MRTFB: variants seen among roughly 807,000 people sequenced by gnomAD.
The protein encoded by MRTFB is myocardin related transcription factor B.
MRTFB carries 29 observed loss-of-function variants against 104.2 expected under a neutral mutation model. That is an observed-to-expected ratio of 0.28 (90% CI 0.21 to 0.38). MRTFB has a LOEUF of 0.38. Among genes scored for constraint, MRTFB ranks in the 10% least tolerant of loss-of-function variants. MRTFB has a pLI of 1.00. For synonymous variants in MRTFB, 535 were observed against 519.5 expected, an observed-to-expected ratio of 1.03 and a Z score of -0.41; for missense variants, 1,270 against 1,341.6, an observed-to-expected ratio of 0.95 and a Z score of 0.83.
At chr16:14,248,724 G>A in intron 12 of MRTFB, 1 of 517,532 alleles carries the variant, frequency 1.9e-6, no homozygotes. Context: ...ATAAGAGCAT[G>A]CAGTGACTGG....
the MRTFB span, among the ~76,000 whole-genome samples, chr16:14,008,712 A>G: frequency 6.6e-6 from 1 of 152,202 alleles, no homozygotes; most frequent in Admixed American, 6.5e-5. Context: ...TAACTTCTGC[A>G]AAAAAGTTAG....
chr16:14,075,708 G>C (rs1385536832), intron 1 of MRTFB, among the ~76,000 whole-genome samples: 2 of 151,990 alleles, frequency 1.3e-5, no homozygotes, highest in Non-Finnish European at 2.9e-5. Flanking sequence ...TCCTCACCCC[G>C]GCTTTTTAAA....
At chr16:14,034,970 C>A in the MRTFB span, among the ~76,000 whole-genome samples, 1 of 152,164 alleles carries the variant, frequency 6.6e-6, no homozygotes, top group Non-Finnish European at 1.5e-5. Context: ...CTGAGCCAAC[C>A]CTGCCTTTGG....
the MRTFB span, among the ~76,000 whole-genome samples, chr16:14,063,586 A>G: frequency 1.8e-4 from 27 of 152,230 alleles, no homozygotes; most frequent in African/African-American, 6.0e-4. Context: ...GCTCCCACTT[A>G]TAAGTTAGAA....
rs578132856 is a variant in MRTFB, at chr16:14,124,239, A to T, written c.-63-16305A>T. Reference sequence around the variant, plus strand: ...AGACAATTTGACTTCCTCTTTTCCTATTCGAATACCCTTTATTTCTTTCTC... The same window carrying T: ...AGACAATTTGACTTCCTCTTTTCCTTTTCGAATACCCTTTATTTCTTTCTC... On this transcript the variant is annotated intron_variant, in intron 2 of 16. Coordinates refer to ENST00000571589, the MANE Select transcript of MRTFB (RefSeq NM_001308142.2). 4.5e-4 allele frequency among the ~76,000 whole-genome samples: 68 copies of T among 152,272 alleles called. No individual in the cohort carries two copies. In the South Asian group the frequency reaches 0.014, roughly 31 times the overall value.
the MRTFB span, among the ~76,000 whole-genome samples, chr16:14,046,395 C>T: frequency 6.6e-6 from 1 of 152,202 alleles, no homozygotes; most frequent in African/African-American, 2.4e-5. Flanking sequence ...TGTAGCCCAT[C>T]CCCCTACAAC....
the MRTFB span, among the ~76,000 whole-genome samples, chr16:14,039,270 C>G: frequency 6.6e-6 from 1 of 152,220 alleles, no homozygotes; most frequent in African/African-American, 2.4e-5. Flanking sequence ...AGTATCCTCA[C>G]AACATGGCTG....
chr16:14,110,180 TC>T (rs1022190861), intron 2 of MRTFB, among the ~76,000 whole-genome samples: 2 of 152,216 alleles, frequency 1.3e-5, no homozygotes, highest in Non-Finnish European at 2.9e-5. Context: ...AAGCTTATCT[TC>T]AGGAAAGTCC....
intron 3 of MRTFB, among the ~76,000 whole-genome samples, chr16:14,180,221 G>A (rs1043605258): frequency 6.6e-6 from 1 of 152,194 alleles, no homozygotes; most frequent in South Asian, 2.1e-4. Context: ...CATGTCCCCA[G>A]TGCATAGAAT....
In MRTFB at chr16:14,187,119, AT is replaced by A. The variant is rs1473166038; in HGVS notation, c.155-23123del. The A allele has an allele frequency of 3.6e-6, 4 of 1,107,040 alleles. No individual in the cohort carries two copies. The African/African-American group carries it at 6.3e-5, about 17-fold the overall frequency. The allele number at this position is 1,107,040 out of a possible 1,614,324, so 68.6% of individuals were successfully genotyped here. ...GAGCGTGTCTGTCTGTTACCATGCT[AT>A]GTGTCTGCTCTCTCTGTTCACTCAT... On this transcript the variant is annotated intron_variant, in intron 3 of 16. Coordinates refer to ENST00000571589, the MANE Select transcript of MRTFB (RefSeq NM_001308142.2).
chr16:14,144,298 A>AG (rs1260025579), intron 3 of MRTFB: 5 of 152,212 alleles, frequency 3.3e-5, no homozygotes, highest in African/African-American at 4.8e-5. Flanking sequence ...TTATTATAGA[A>AG]GCCTTATTTT....
chr16:14,094,777 G>A (rs946003973), intron 2 of MRTFB, among the ~76,000 whole-genome samples: 1 of 152,212 alleles, frequency 6.6e-6, no homozygotes, highest in Non-Finnish European at 1.5e-5. Context: ...ATAGTGGAAA[G>A]CAGGGCTGGC....
chr16:14,149,444 A>C (rs1420163399), intron 3 of MRTFB: 1 of 152,232 alleles, frequency 6.6e-6, no homozygotes. Flanking sequence ...TCATAGCTAC[A>C]AAATAGAAGA....
chr16:13,995,022 A>C, the MRTFB span, among the ~76,000 whole-genome samples: 1 of 145,872 alleles, frequency 6.9e-6, no homozygotes, highest in Non-Finnish European at 1.5e-5. Context: ...TTATTTATTT[A>C]CTTTTTTTTT....
chr16:14,126,557 G>A (rs911574699), intron 2 of MRTFB, among the ~76,000 whole-genome samples: 5 of 152,004 alleles, frequency 3.3e-5, no homozygotes, highest in African/African-American at 7.3e-5. Context: ...TCACATAATC[G>A]ATGCGGGAAA....
the MRTFB span, among the ~76,000 whole-genome samples, chr16:14,030,327 C>T: frequency 5.9e-5 from 9 of 152,186 alleles, no homozygotes; most frequent in Non-Finnish European, 1.3e-4. Flanking sequence ...AGTGCTCTCC[C>T]CTCTGCCCTC....
chr16:14,225,819 G>T (rs1432986032), intron 8 of MRTFB, among the ~76,000 whole-genome samples: 1 of 152,128 alleles, frequency 6.6e-6, no homozygotes, highest in Non-Finnish European at 1.5e-5. Context: ...AAGCTTTTAG[G>T]ATAAAACATG....
intron 8 of MRTFB, among the ~76,000 whole-genome samples, chr16:14,228,724 T>A (rs533062549): frequency 4.6e-5 from 7 of 152,386 alleles, no homozygotes; most frequent in East Asian, 3.8e-4. Flanking sequence ...TATTTATACG[T>A]TGGAATAGTA....
intron 8 of MRTFB, among the ~76,000 whole-genome samples, chr16:14,229,985 G>A (rs183378578): frequency 6.6e-5 from 10 of 151,900 alleles, no homozygotes; most frequent in East Asian, 1.9e-4. Flanking sequence ...CTTAGGTCTC[G>A]GCAGCAATTT....
Sources: gnomAD v4.1 joint callset for allele counts (sites outside exome capture counted in the v4.1 genomes callset) on GRCh38, gnomAD v4.1.1 for gene constraint, MANE v1.5 for transcripts, NCBI Gene and HGNC (gene_info 2026-07-23, HGNC 2026-07-21) for gene names.